The following OBSL1 variants were observed in gnomAD, a reference collection of about 807,000 sequenced individuals.
OBSL1 encodes the protein obscurin-like protein 1.
In OBSL1, 160 loss-of-function variants were observed where a neutral mutation model predicts 172.0. That is an observed-to-expected ratio of 0.93 (90% CI 0.82 to 1.06). The LOEUF (loss-of-function observed/expected upper bound fraction) is 1.06, where lower values mean the gene tolerates loss of function less well. Among genes scored for constraint, OBSL1 ranks in the 50% least tolerant of loss-of-function variants. The pLI is 0.00. For synonymous variants in OBSL1, 1,200 were observed against 1,196.3 expected (o/e 1.00, Z -0.06); for missense variants, 2,681 against 2,715.4 (o/e 0.99, Z 0.28).
chr2:219,561,407 G>C (rs779184901), intron 8 of OBSL1, among the ~76,000 whole-genome samples: 1 of 152,094 alleles, frequency 6.6e-6, no homozygotes, highest in Admixed American at 6.5e-5. Flanking sequence ...CTCCCGCTTT[G>C]AATATTCCCC....
rs375578126 is a variant in OBSL1, at chr2:219,556,161, G to C, written c.4468C>G (p.Leu1490Val). Residue 1490 changes from leucine to valine, a missense_variant, in exon 14 of 21, where the codon CTG (leucine) becomes GTG (valine). Leu to Val is a conservative substitution (Grantham distance 32). Coordinates refer to ENST00000404537, the MANE Select transcript of OBSL1 (RefSeq NM_015311.3). The stretch of plus-strand genomic sequence containing the variant: ...ATGGACAGGCGAGAGTCGTGGGGCA[G>C]GGGCTGCCCACCTCGCACCCAGCGC... ...AVRWVRGGQP[L>V]PHDSRLSMAQ... 1.9e-6 allele frequency: 3 copies of C among 1,613,496 alleles called. No individual in the cohort carries two copies. The highest frequency in any genetic ancestry group is 2.7e-5 in the African/African-American group (2 of 74,946).
downstream of OBSL1, chr2:219,547,455 C>G (rs1695411970): frequency 1.4e-6 from 2 of 1,381,982 alleles, no homozygotes; most frequent in African/African-American, 3.0e-5. Flanking sequence ...CCTGCTCCCT[C>G]CAGCCTGGTG....
At chr2:219,552,408 A>G in intron 18 of OBSL1, 128 bp downstream of exon 18, 1 of 970,396 alleles carries the variant, frequency 1.0e-6, no homozygotes, top group Non-Finnish European at 1.5e-6. Context: ...AAGAACAGGG[A>G]CGAGGCTCAC....
chr2:219,559,205 G>A lies in OBSL1; in HGVS notation c.3226+20C>T, dbSNP rs550365094. ...CCCCCTACCTCTCTACCTCCTCTCT[G>A]TGCTGCAGAGACTGCCCACCTGTGA... On this transcript the variant is annotated intron_variant, in intron 9 of 20. Transcript: ENST00000404537. 6.3e-7 allele frequency: 1 copy of A among 1,583,090 alleles called. No individual in the cohort carries two copies. Among genetic ancestry groups the A allele is most frequent in the East Asian group, 2.2e-5 (1 of 44,578 alleles).
At position 219,556,985 on chromosome 2, in the gene OBSL1, A is replaced by C. The variant is rs1309469382; in HGVS notation, c.4067-262T>G. 5.8e-6 allele frequency: 3 copies of C among 514,948 alleles called. No individual in the cohort carries two copies. In the Admixed American group the frequency reaches 1.0e-4, roughly 18 times the overall value. The allele number at this position is 514,948 out of a possible 1,614,324, so 31.9% of individuals were successfully genotyped here. On this transcript the variant is annotated intron_variant, in intron 12 of 20. Coordinates refer to ENST00000404537, the MANE Select transcript of OBSL1 (RefSeq NM_015311.3). ...ATCAATTACCAGGGACCCTATTTAC[A>C]GCATTTACTTGTCACAACAGGCCTA...
rs371714401 is a variant in OBSL1 at position 219,563,519 on chromosome 2, C to T, written c.2516G>A (p.Arg839His). Residue 839 changes from arginine (R) to histidine (H), a missense_variant, in exon 7 of 21, where the codon CGT becomes CAT. Coordinates refer to ENST00000404537, the MANE Select transcript of OBSL1 (RefSeq NM_015311.3). Reference sequence around the variant, plus strand: ...CACCTCCTGCCCGTCCTTGTACCAACGCACAGGGGCGTCCTCTCGGTCCAC... The same window carrying T: ...CACCTCCTGCCCGTCCTTGTACCAATGCACAGGGGCGTCCTCTCGGTCCAC... ...CEVDREDAPVRWYKDGQEVEE... is the reference protein window; with the variant it reads ...CEVDREDAPVHWYKDGQEVEE... 2.4e-5 allele frequency: 39 copies of T among 1,613,966 alleles called. No homozygotes were observed. The highest frequency in any genetic ancestry group is 3.3e-4 in the Middle Eastern group (2 of 6,062).
In OBSL1 at chr2:219,556,649, A is replaced by G; in HGVS notation, c.4141T>C (p.Cys1381Arg). Residue 1381 changes from cysteine to arginine, a missense_variant, in exon 13 of 21, where the codon TGT (cysteine) becomes CGT (arginine). This residue lies in a region of OBSL1 where 1,765 missense variants were observed against 1,748.3 expected (regional missense o/e 1.01). Transcript: ENST00000404537. ...TCGGCATCTGGTGGGGAGACTTCAC[A>G]CCGGAACGTGGCATCATCGCCCTCG... ...VHEGDDATFRCEVSPPDADVT... is the reference protein window; with the variant it reads ...VHEGDDATFRREVSPPDADVT... 6.2e-7 allele frequency: 1 copy of G among 1,613,296 alleles called. No individual in the cohort carries two copies. Among genetic ancestry groups the G allele is most frequent in the Non-Finnish European group, 8.5e-7 (1 of 1,179,340 alleles).
In OBSL1 at chr2:219,552,702, G is replaced by A; in HGVS notation, c.5147-5C>T. 6.6e-7 allele frequency: 1 copy of A among 1,520,836 alleles called. No homozygotes were observed. The highest frequency in any genetic ancestry group is 8.8e-7 in the Non-Finnish European group (1 of 1,133,608). 94.2% of individuals were successfully genotyped at this position (1,520,836 alleles called of 1,614,324 possible). ...AGAGTACCGCCACAGTACGCTCTGG[G>A]GCGGAGCCCGGGGCGTGAGCGGGGC... On this transcript the variant is annotated splice_region_variant and splice_polypyrimidine_tract_variant and intron_variant, in intron 17 of 20. Coordinates refer to ENST00000404537, the MANE Select transcript of OBSL1 (RefSeq NM_015311.3).
Position 219,567,341 on chromosome 2 carries a change from A to C in OBSL1, c.1769T>G (p.Phe590Cys). The C allele has an allele frequency of 6.2e-7, 1 of 1,611,212 alleles. No individual in the cohort carries two copies. Among genetic ancestry groups the C allele is most frequent in the Non-Finnish European group, 8.5e-7 (1 of 1,178,030 alleles). Residue 590 changes from phenylalanine (F) to cysteine (C), a missense_variant, in exon 4 of 21, where the codon TTC becomes TGC. Physicochemically the swap from Phe to Cys is radical, Grantham distance 205. Transcript: ENST00000404537. The part of the protein sequence containing the change: ...DCVPSEGDYR[F>C]RICTVSGHGR... ...ATGTCCGCTGACTGTGCAGATGCGGAAGCGGTAGTCACCCTCGGAGGGCAC... is the reference window on the plus strand; with the variant it reads ...ATGTCCGCTGACTGTGCAGATGCGGCAGCGGTAGTCACCCTCGGAGGGCAC...
chr2:219,571,120 T>C lies in OBSL1; in HGVS notation c.113A>G (p.Glu38Gly). ...CTCCCACACCACTACAGGCGGCGGCTCCCCCAGGACCACGCACTTGAGCTC... is the reference window on the plus strand; with the variant it reads ...CTCCCACACCACTACAGGCGGCGGCCCCCCCAGGACCACGCACTTGAGCTC... ...EAELKCVVLG[E>G]PPPVVVWEKG... The change falls in exon 1 of 21, where the codon GAG (glutamate) becomes GGG (glycine). Residue 38 changes from glutamate to glycine, a missense_variant. Physicochemically the swap from Glu to Gly is moderately conservative, Grantham distance 98 (BLOSUM62 -2). This residue lies in a region of OBSL1 where 90 missense variants were observed against 76.6 expected (regional missense o/e 1.18). Transcript: ENST00000404537. 3 of 1,471,666 alleles carry C rather than the reference T, an allele frequency of 2.0e-6. No homozygotes were observed. The highest frequency in any genetic ancestry group is 2.7e-6 in the Non-Finnish European group (3 of 1,116,918). The allele number at this position is 1,471,666 out of a possible 1,614,324, so 91.2% of individuals were successfully genotyped here.
rs1697338557 is a variant in OBSL1 at position 219,571,308 on chromosome 2, G to A, written c.-76C>T. On this transcript the variant is annotated 5_prime_UTR_variant, in exon 1 of 21. Coordinates refer to ENST00000404537, the MANE Select transcript of OBSL1 (RefSeq NM_015311.3). ...TGCGGAGGGCGAGCCGAGGCCCGGG[G>A]CGGCGGGGTCGGGGCGCGGCTGGGG... The A allele has an allele frequency of 2.1e-6, 2 of 964,346 alleles. No homozygotes were observed. The highest frequency in any genetic ancestry group is 2.7e-6 in the Non-Finnish European group (2 of 745,798). The allele number at this position is 964,346 out of a possible 1,614,324, so 59.7% of individuals were successfully genotyped here.
At chr2:219,561,756 G>A (rs1246945729) in intron 8 of OBSL1, 1 of 666,072 alleles carries the variant, frequency 1.5e-6, no homozygotes, top group South Asian at 1.7e-5. Context: ...TTTAACACAG[G>A]GGTCGCAAAC....
chr2:219,558,136 C>T, intron 10 of OBSL1, 26 bp from the exon 11 acceptor site: 1 of 1,611,392 alleles, frequency 6.2e-7, no homozygotes, highest in Non-Finnish European at 8.5e-7. Context: ...AGGTGTCATC[C>T]CATGCTTGCC....
chr2:219,568,691 C>G lies in OBSL1; in HGVS notation c.1013-367G>C, dbSNP rs1406198575. Among the ~76,000 whole-genome samples the G allele has an allele frequency of 6.6e-6, 1 of 152,162 alleles. No homozygotes were observed. The highest frequency in any genetic ancestry group is 2.4e-5 in the African/African-American group (1 of 41,432). On this transcript the variant is annotated intron_variant, in intron 1 of 20. Coordinates refer to ENST00000404537, the MANE Select transcript of OBSL1 (RefSeq NM_015311.3). This position sits in a 1 kb window ranked among gnomAD's most constrained non-coding sequence, Gnocchi z 4.1. ...TTTCCAAACTGTTCCCTGGCTCCCC[C>G]CGCCCCAGTCATTTCACATATTCTG...
downstream of OBSL1, chr2:219,550,013 G>A: frequency 9.6e-7 from 1 of 1,038,258 alleles, no homozygotes; most frequent in African/African-American, 1.6e-5. Flanking sequence ...GCGAGTCTTG[G>A]CCTGAGAGGA....
Position 219,570,509 on chromosome 2 carries a change from CG to C in OBSL1, c.723del (p.Ala242ArgfsTer16), listed in dbSNP as rs754535472. On this transcript the variant is annotated frameshift_variant, in exon 1 of 21. Transcript: ENST00000404537. LOFTEE classifies it high-confidence loss of function. ...ESPPADPDEA[P>X]APVVEPLKCA... ...CACTTGAGCGGCTCCACCACCGGCG[CG>C]GGGGCCTCGTCGGGGTCCGCGGGCG... The C allele has an allele frequency of 6.2e-7, 1 of 1,610,730 alleles. No homozygotes were observed. The highest frequency in any genetic ancestry group is 1.7e-5 in the Admixed American group (1 of 59,914).
At position 219,558,080 on chromosome 2, in the gene OBSL1, G is replaced by A. The variant is rs377216963; in HGVS notation, c.3533C>T (p.Thr1178Ile). ...GGCCACACAGAGCGGGCTTGGAGTT[G>A]TCTCTAGAGCAAGGAACTGCACTGG... is the stretch of plus-strand genomic sequence containing the variant. ...EPPVQFLALE[T>I]TPSPLCVAPG... The change falls in exon 11 of 21, where the codon ACA becomes ATA. Residue 1178 changes from threonine (T) to isoleucine (I), a missense_variant. Around this residue, in one of 5 missense-constraint regions of OBSL1, gnomAD observed 1,765 missense variants for 1,748.3 expected, o/e 1.01. Coordinates refer to ENST00000404537, the MANE Select transcript of OBSL1 (RefSeq NM_015311.3). The A allele has an allele frequency of 6.2e-6, 10 of 1,613,646 alleles. No individual in the cohort carries two copies. Among genetic ancestry groups the A allele is most frequent in the Admixed American group, 3.3e-5 (2 of 59,988 alleles).
Position 219,570,466 on chromosome 2 carries a change from CAGA to C in OBSL1, c.764_766del (p.Phe255del), listed in dbSNP as rs765879230. On this transcript the variant is annotated inframe_deletion, in exon 1 of 21. Coordinates refer to ENST00000404537, the MANE Select transcript of OBSL1 (RefSeq NM_015311.3). ...CTTGGCGTGCTTGCCCTCGTTCACC[CAGA>C]AGGTCTTAGGCGCGCACTTGAGCGG... 25 of 1,612,880 alleles carry C rather than the reference CAGA, an allele frequency of 1.6e-5. No individual in the cohort carries two copies. Among genetic ancestry groups the C allele is most frequent in the Admixed American group, 3.3e-5 (2 of 59,984 alleles).
chr2:219,552,651 G>A lies in OBSL1; in HGVS notation c.5193C>T (p.Arg1731=), dbSNP rs1034925428. 1.3e-6 allele frequency: 2 copies of A among 1,546,122 alleles called. No individual in the cohort carries two copies. The highest frequency in any genetic ancestry group is 1.9e-5 in the Admixed American group (1 of 52,780). ...VLSELRSVSA[R]EGDGATFECT... Reference sequence around the variant, plus strand: ...ACTCGAACGTAGCGCCGTCGCCTTCGCGGGCGCTCACCGACCGCAGCTCGG... The same window carrying A: ...ACTCGAACGTAGCGCCGTCGCCTTCACGGGCGCTCACCGACCGCAGCTCGG... Residue 1731 remains arginine (R), a synonymous_variant, in exon 18 of 21, where the codon CGC becomes CGT. Transcript: ENST00000404537.
Sources: allele counts gnomAD v4.1 joint callset (sites outside exome capture counted in the v4.1 genomes callset), GRCh38; gene constraint gnomAD v4.1.1; regional missense constraint gnomAD v4.1.1; non-coding constraint Gnocchi (gnomAD v3.1); transcripts MANE v1.5; gene names NCBI Gene and HGNC (gene_info 2026-07-23, HGNC 2026-07-21).